Variants in CLIP4 observed in about 807,000 individuals in gnomAD.
CLIP4 encodes CAP-Gly domain-containing linker protein 4.
CLIP4 carries 47 observed loss-of-function variants against 73.1 expected under a neutral mutation model. The ratio of observed to expected loss-of-function variants is 0.64; its 90% confidence interval spans 0.51 to 0.82. The LOEUF (loss-of-function observed/expected upper bound fraction) is 0.82, where lower values mean the gene tolerates loss of function less well. Among genes scored for constraint, CLIP4 ranks in the 40% least tolerant of loss-of-function variants. The probability of loss-of-function intolerance (pLI) is 0.00; values close to 1 mark genes in which losing one functional copy is unlikely to be tolerated. For missense variants in CLIP4, 874 were observed against 852.9 expected (o/e 1.02, Z -0.31); for synonymous variants, 306 against 295.4 (o/e 1.04, Z -0.37).
intron 3 of CLIP4, 62 bp downstream of exon 3, chr2:29,131,459 T>TC (rs1014057140): frequency 1.7e-5 from 26 of 1,506,458 alleles, no homozygotes; most frequent in African/African-American, 2.8e-5. Flanking sequence ...TAGATTTTTT[T>TC]CCCCATCTGA....
chr2:29,133,693 A>G lies in CLIP4; in HGVS notation c.406A>G (p.Ile136Val). ...ETAVKFATQL[I>V]DLGADISLRS... is the part of the protein sequence containing the mutation. ...AGCTGTAAAATTTGCAACTCAGCTT[A>G]TTGACCTGGGAGCAGACATTAGTTT... Residue 136 changes from isoleucine to valine, a missense_variant, in exon 5 of 16, where the codon ATT (isoleucine) becomes GTT (valine). Coordinates refer to ENST00000320081, the MANE Select transcript of CLIP4 (RefSeq NM_024692.6). 6.2e-7 allele frequency: 1 copy of G among 1,613,026 alleles called. No homozygotes were observed. The highest frequency in any genetic ancestry group is 8.5e-7 in the Non-Finnish European group (1 of 1,179,672).
At chr2:29,130,432 G>T (rs1664893001) in intron 2 of CLIP4, among the ~76,000 whole-genome samples, 1 of 152,194 alleles carries the variant, frequency 6.6e-6, no homozygotes, top group Non-Finnish European at 1.5e-5. Flanking sequence ...GAATGAGTGG[G>T]TTAGTTTAGT....
chr2:29,116,545 C>A (rs755752086), intron 1 of CLIP4, among the ~76,000 whole-genome samples: 1 of 152,184 alleles, frequency 6.6e-6, no homozygotes, highest in Non-Finnish European at 1.5e-5. Flanking sequence ...ATCTTGTGCA[C>A]AATTTAAAGT....
chr2:29,110,565 G>C (rs1183254454), upstream of CLIP4, among the ~76,000 whole-genome samples: 1 of 152,152 alleles, frequency 6.6e-6, no homozygotes, highest in South Asian at 2.1e-4. Context: ...TTTTGAACAT[G>C]TTCTATTTGT....
Position 29,167,688 on chromosome 2 carries a change from T to C in CLIP4, c.1723+148T>C, listed in dbSNP as rs1573015525. 2.9e-5 allele frequency: 15 copies of C among 514,710 alleles called. No individual in the cohort carries two copies. In the East Asian group the frequency reaches 4.1e-4, roughly 14 times the overall value. 31.9% of individuals were successfully genotyped at this position (514,710 alleles called of 1,614,324 possible). A position where few individuals can be genotyped will look rare whatever the true frequency, so the allele number is the denominator to read the frequency against. On this transcript the variant is annotated intron_variant, in intron 14 of 15. Transcript: ENST00000320081. Reference sequence around the variant, plus strand: ...TAATAGAACAAACATCTGTTACCTGTCCCCTGGCTGAAGAAGATGATAACC... The same window carrying C: ...TAATAGAACAAACATCTGTTACCTGCCCCCTGGCTGAAGAAGATGATAACC...
chr2:29,181,862 A>G lies in CLIP4; in HGVS notation c.2087A>G (p.Asn696Ser), dbSNP rs759401985. 9 of 1,612,998 alleles carry G rather than the reference A, an allele frequency of 5.6e-6. 1 individual carries two copies. The South Asian group carries it at 9.9e-5, about 18-fold the overall frequency. ...AGCAGAGTGACCTATCGGGGAATTA[A>G]TGGGTCAAAACTTGTGGATGAGAAT... ...RPSRVTYRGI[N>S]GSKLVDENC The change falls in exon 16 of 16, where the codon AAT becomes AGT. Residue 696 changes from asparagine to serine, a missense_variant. Physicochemically the swap from Asn to Ser is conservative, Grantham distance 46. Coordinates refer to ENST00000320081, the MANE Select transcript of CLIP4 (RefSeq NM_024692.6).
chr2:29,100,813 G>A (rs960855654), intron 1 of CLIP4, among the ~76,000 whole-genome samples: 2 of 151,786 alleles, frequency 1.3e-5, no homozygotes, highest in Non-Finnish European at 2.9e-5. Flanking sequence ...GCAGAGGTGG[G>A]AAGTGACTTT....
At chr2:29,157,425 A>C (rs1390923662) in intron 11 of CLIP4, 78 bp downstream of exon 11, 1 of 1,610,526 alleles carries the variant, frequency 6.2e-7, no homozygotes, top group African/African-American at 1.3e-5. Context: ...GCTCTTTTTA[A>C]ATGTGTAGAA....
In CLIP4 at chr2:29,131,360, C is replaced by T; in HGVS notation, c.236C>T (p.Pro79Leu). ...TTTGCCATTTTGAGACAGTGGGTTC[C>T]TCAGGTCCAACAAAACATTGACATT... ...ELFAILRQWV[P>L]QVQQNIDIIG... The change falls in exon 3 of 16, where the codon CCT becomes CTT. Residue 79 changes from proline (P) to leucine (L), a missense_variant. Physicochemically the swap from Pro to Leu is moderately conservative, Grantham distance 98. Coordinates refer to ENST00000320081, the MANE Select transcript of CLIP4 (RefSeq NM_024692.6). The T allele has an allele frequency of 6.2e-7, 1 of 1,605,454 alleles. No homozygotes were observed. Among genetic ancestry groups the T allele is most frequent in the Non-Finnish European group, 8.5e-7 (1 of 1,177,206 alleles).
intron 2 of CLIP4, among the ~76,000 whole-genome samples, chr2:29,127,900 G>A (rs1664714132): frequency 6.6e-6 from 1 of 152,020 alleles, no homozygotes; most frequent in South Asian, 2.1e-4. Flanking sequence ...AAATTTGGTT[G>A]TTTATTTTAT....
chr2:29,165,837 G>A (rs185520237), intron 13 of CLIP4, among the ~76,000 whole-genome samples: 20 of 151,960 alleles, frequency 1.3e-4, no homozygotes, highest in African/African-American at 4.1e-4. Context: ...CCTCCTTTAC[G>A]TTGTCAAGCC....
At chr2:29,117,581 C>G (rs186595744) in intron 1 of CLIP4, among the ~76,000 whole-genome samples, 1 of 152,354 alleles carries the variant, frequency 6.6e-6, no homozygotes, top group South Asian at 2.1e-4. Flanking sequence ...ATCTGCCCAT[C>G]TCGGCCTCCC....
rs981281244 is a variant in CLIP4 at position 29,130,343 on chromosome 2, A to C, written c.134-915A>C. The stretch of plus-strand genomic sequence containing the variant: ...AGACTTCCAAATCAAAAGTGGTAAG[A>C]AGCTTGTCTCACGAAGGTTATAGTA... On this transcript the variant is annotated intron_variant, in intron 2 of 15. Coordinates refer to ENST00000320081, the MANE Select transcript of CLIP4 (RefSeq NM_024692.6). Among the ~76,000 whole-genome samples the C allele has an allele frequency of 3.3e-5, 5 of 152,206 alleles. No homozygotes were observed. The South Asian group carries it at 1.0e-3, about 32-fold the overall frequency.
intron 6 of CLIP4, among the ~76,000 whole-genome samples, chr2:29,139,955 CT>C (rs561970361): frequency 6.6e-6 from 1 of 151,534 alleles, no homozygotes; most frequent in African/African-American, 2.4e-5. Flanking sequence ...CTTTGAATGC[CT>C]TTTTTGGTTT....
chr2:29,123,740 C>A (rs115885022), intron 2 of CLIP4, among the ~76,000 whole-genome samples: 1 of 152,074 alleles, frequency 6.6e-6, no homozygotes, highest in East Asian at 1.9e-4. Flanking sequence ...CCAGGTCATG[C>A]GGGGTCATGT....
At chr2:29,168,952 GGTAA>G (rs1487374062) in intron 14 of CLIP4, among the ~76,000 whole-genome samples, 1 of 151,562 alleles carries the variant, frequency 6.6e-6, no homozygotes, top group African/African-American at 2.4e-5. Flanking sequence ...TTTTGTGTAT[GGTAA>G]GTATCTAATT....
At chr2:29,143,457 A>G (rs987536833) in intron 6 of CLIP4, among the ~76,000 whole-genome samples, 7 of 147,782 alleles carry the variant, frequency 4.7e-5, no homozygotes, top group Non-Finnish European at 1.0e-4. Flanking sequence ...CATATAATTT[A>G]CTTGTTTAAT....
intron 1 of CLIP4, among the ~76,000 whole-genome samples, chr2:29,098,152 AAGTC>A (rs1261247541): frequency 7.9e-5 from 12 of 152,234 alleles, no homozygotes; most frequent in African/African-American, 2.7e-4. Context: ...AATGATCAGA[AAGTC>A]AGTTCAGCAC....
At chr2:29,159,423 G>A (rs1667141853) in intron 11 of CLIP4, among the ~76,000 whole-genome samples, 1 of 152,016 alleles carries the variant, frequency 6.6e-6, no homozygotes, top group Non-Finnish European at 1.5e-5. Context: ...TATTTCTCTA[G>A]GACTTCTATG....
Sources: gnomAD v4.1 joint callset for allele counts (sites outside exome capture counted in the v4.1 genomes callset) on GRCh38, gnomAD v4.1.1 for gene constraint, MANE v1.5 for transcripts, NCBI Gene and HGNC (gene_info 2026-07-23, HGNC 2026-07-21) for gene names.